Variants in PCDHGA10 observed in about 807,000 individuals in gnomAD.
PCDHGA10 encodes the protein protocadherin gamma-A10.
Under a neutral mutation model 59.5 loss-of-function variants are expected in PCDHGA10, and 42 were observed. That is an observed-to-expected ratio of 0.71 (90% CI 0.55 to 0.91). PCDHGA10 has a LOEUF of 0.91. PCDHGA10 is among the 40% of genes least tolerant of loss of function. The probability of loss-of-function intolerance (pLI) is 0.00; values close to 1 mark genes in which losing one functional copy is unlikely to be tolerated. For missense variants in PCDHGA10, 1,111 were observed against 1,198.2 expected (o/e 0.93, Z 1.07); for synonymous variants, 511 against 517.2 (o/e 0.99, Z 0.16).
intron 2 of PCDHGA10, 50 bp from the exon 3 acceptor site, chr5:141,505,343 G>A: frequency 1.9e-6 from 3 of 1,612,934 alleles, no homozygotes; most frequent in Non-Finnish European, 2.5e-6. Flanking sequence ...GGAGGGGCAT[G>A]AGCTGTGCCG....
intron 1 of PCDHGA10, chr5:141,423,833 T>G: frequency 1.8e-5 from 23 of 1,262,362 alleles, no homozygotes; most frequent in East Asian, 7.3e-5. Flanking sequence ...TTCATGAGAT[T>G]ACGATAATCT....
At chr5:141,466,457 A>G (rs969935541) in intron 1 of PCDHGA10, among the ~76,000 whole-genome samples, 12 of 152,146 alleles carry the variant, frequency 7.9e-5, no homozygotes, top group Admixed American at 6.6e-4. Context: ...GGTGTTGGCT[A>G]TTGTTTCTGC....
In PCDHGA10 at chr5:141,489,561, G is replaced by A. The variant is rs1750812409; in HGVS notation, c.2437-5246G>A. 6.2e-7 allele frequency: 1 copy of A among 1,614,106 alleles called. No homozygotes were observed. Among genetic ancestry groups the A allele is most frequent in the Non-Finnish European group, 8.5e-7 (1 of 1,180,026 alleles). On this transcript the variant is annotated intron_variant, in intron 1 of 3. Coordinates refer to ENST00000398610, the MANE Select transcript of PCDHGA10 (RefSeq NM_018913.3). The surrounding 1 kb of genome is among the most constrained non-coding windows in gnomAD (Gnocchi z 4.5). Reference sequence around the variant, plus strand: ...GCACCAGCTGCCTGCTGCCAGTGCAGGTGGTGACTGAACACCCCCTGGAGC... The same window carrying A: ...GCACCAGCTGCCTGCTGCCAGTGCAAGTGGTGACTGAACACCCCCTGGAGC...
chr5:141,487,802 C>T lies in PCDHGA10; in HGVS notation c.2437-7005C>T, dbSNP rs765438219. The T allele has an allele frequency of 9.5e-6, 14 of 1,477,306 alleles. No individual in the cohort carries two copies. The South Asian group carries it at 1.7e-4, about 18-fold the overall frequency. 91.5% of individuals were successfully genotyped at this position (1,477,306 alleles called of 1,614,324 possible). A position where few individuals can be genotyped will look rare whatever the true frequency, so the allele number is the denominator to read the frequency against. ...TTTCGTGAATTAACCAGAGTTGTCACAGTTTAGCATTGGGGGCGGGTCATG... is the reference window on the plus strand; with the variant it reads ...TTTCGTGAATTAACCAGAGTTGTCATAGTTTAGCATTGGGGGCGGGTCATG... On this transcript the variant is annotated intron_variant, in intron 1 of 3. Transcript: ENST00000398610. The surrounding 1 kb of genome is among the most constrained non-coding windows in gnomAD (Gnocchi z 5.0).
Position 141,413,694 on chromosome 5 carries a change from C to T in PCDHGA10, c.519C>T (p.Ser173=). The T allele has an allele frequency of 6.2e-7, 1 of 1,613,800 alleles. No individual in the cohort carries two copies. Among genetic ancestry groups the T allele is most frequent in the Non-Finnish European group, 8.5e-7 (1 of 1,179,894 alleles). ...ATGTGGGCGTGAACTCCCTGCAGAG[C>T]TATCAGCTCAGCCCCAATAAGCACT... The part of the protein sequence containing the change: ...DPDVGVNSLQ[S]YQLSPNKHFS... The change falls in exon 1 of 4, where the codon AGC becomes AGT. Residue 173 remains serine (S), a synonymous_variant. Transcript: ENST00000398610.
chr5:141,503,077 TCTC>T (rs1212079220), intron 2 of PCDHGA10, among the ~76,000 whole-genome samples: 1 of 151,810 alleles, frequency 6.6e-6, no homozygotes, highest in African/African-American at 2.4e-5. Flanking sequence ...ATGGTCTCGA[TCTC>T]CTGACCTCGT....
intron 2 of PCDHGA10, among the ~76,000 whole-genome samples, chr5:141,500,136 A>G (rs966215589): frequency 6.6e-6 from 1 of 151,606 alleles, no homozygotes; most frequent in African/African-American, 2.4e-5. Flanking sequence ...ATATCTTTCT[A>G]AACTTTTCTT....
intron 1 of PCDHGA10, among the ~76,000 whole-genome samples, chr5:141,466,360 G>A (rs2099121274): frequency 6.6e-6 from 1 of 152,070 alleles, no homozygotes; most frequent in South Asian, 2.1e-4. Context: ...TAATCTAGAT[G>A]TAATGGTTTT....
At chr5:141,459,149 T>C (rs2098961903) in intron 1 of PCDHGA10, among the ~76,000 whole-genome samples, 1 of 152,234 alleles carries the variant, frequency 6.6e-6, no homozygotes, top group Non-Finnish European at 1.5e-5. Context: ...AATCAAAATA[T>C]AGAACATTTC....
At position 141,490,712 on chromosome 5, in the gene PCDHGA10, A is replaced by T; in HGVS notation, c.2437-4095A>T. The stretch of plus-strand genomic sequence containing the variant: ...ACTGGGGATAATGCCCGCCTCACCT[A>T]CTCCATTGTAGGAAATCAGGTTCAG... On this transcript the variant is annotated intron_variant, in intron 1 of 3. Transcript: ENST00000398610. The surrounding 1 kb of genome is among the most constrained non-coding windows in gnomAD (Gnocchi z 5.4). The T allele has an allele frequency of 6.2e-7, 1 of 1,613,686 alleles. No homozygotes were observed. The highest frequency in any genetic ancestry group is 8.5e-7 in the Non-Finnish European group (1 of 1,179,894).
At chr5:141,423,256 G>C (rs751894091) in intron 1 of PCDHGA10, 1 of 1,613,934 alleles carries the variant, frequency 6.2e-7, no homozygotes. Flanking sequence ...GGCGGACCTC[G>C]GCAGCCTCGA....
Position 141,423,157 on chromosome 5 carries a change from G to C in PCDHGA10, c.2436+7546G>C, listed in dbSNP as rs527921011. The C allele has an allele frequency of 7.4e-6, 12 of 1,610,820 alleles. No homozygotes were observed. The South Asian group carries it at 1.2e-4, about 16-fold the overall frequency. ...CAGAGACGCGCTCAAGCAGAGCCTC[G>C]TGGTGGCCGTCCAGGACCACGGCCA... On this transcript the variant is annotated intron_variant, in intron 1 of 3. Coordinates refer to ENST00000398610, the MANE Select transcript of PCDHGA10 (RefSeq NM_018913.3).
chr5:141,510,802 C>T (rs1358684730), intron 3 of PCDHGA10, 145 bp from the exon 4 acceptor site: 1 of 1,497,192 alleles, frequency 6.7e-7, no homozygotes, highest in African/African-American at 1.4e-5. Context: ...AGAGAGACTA[C>T]CTTGGTGACC....
intron 1 of PCDHGA10, chr5:141,419,448 TC>T: frequency 6.2e-7 from 1 of 1,612,980 alleles, no homozygotes; most frequent in Non-Finnish European, 8.5e-7. Context: ...ACCTTCGAGC[TC>T]ACGCTGCAGG....
In PCDHGA10 at chr5:141,454,796, A is replaced by ATTTTTT. The variant is rs61612330; in HGVS notation, c.2436+39209_2436+39214dup. Among the ~76,000 whole-genome samples the ATTTTTT allele has an allele frequency of 4.9e-3, 381 of 77,456 alleles. 41 individuals carry two copies. The highest frequency in any genetic ancestry group is 0.011 in the African/African-American group (178 of 16,882). 50.8% of individuals were successfully genotyped at this position (77,456 alleles called of 152,430 possible). ...AAGGAAATAATCCTCCATGGTTCTA[A>ATTTTTT]TTTTTTTTTTTTTTTTTTTTTTTTT... On this transcript the variant is annotated intron_variant, in intron 1 of 3. Coordinates refer to ENST00000398610, the MANE Select transcript of PCDHGA10 (RefSeq NM_018913.3).
intron 2 of PCDHGA10, 69 bp from the exon 3 acceptor site, chr5:141,505,324 G>T: frequency 6.2e-7 from 1 of 1,607,102 alleles, no homozygotes; most frequent in African/African-American, 1.3e-5. Context: ...GGAGCCCTGG[G>T]AGAGGACAGG....
At position 141,413,842 on chromosome 5, in the gene PCDHGA10, G is replaced by T. The variant is rs1181086477; in HGVS notation, c.667G>T (p.Asp223Tyr). 6.2e-6 allele frequency: 10 copies of T among 1,613,176 alleles called. No homozygotes were observed. In the Admixed American group the frequency reaches 1.7e-4, roughly 27 times the overall value. ...HLVLTASDGGDPLRSGTVLVS... is the reference protein window; with the variant it reads ...HLVLTASDGGYPLRSGTVLVS... The stretch of plus-strand genomic sequence containing the variant: ...GGTCCTCACCGCCTCCGACGGGGGT[G>T]ACCCTCTCCGATCTGGCACTGTCCT... The change falls in exon 1 of 4, where the codon GAC becomes TAC. Residue 223 changes from aspartate to tyrosine, a missense_variant. Asp to Tyr is a radical substitution (Grantham distance 160). Transcript: ENST00000398610.
At chr5:141,478,329 C>T (rs1295950117) in intron 1 of PCDHGA10, 1 of 1,613,982 alleles carries the variant, frequency 6.2e-7, no homozygotes, top group African/African-American at 1.3e-5. Context: ...TACCGAACAC[C>T]AGGGCCCTCC....
intron 1 of PCDHGA10, among the ~76,000 whole-genome samples, chr5:141,488,394 A>C (rs2099674951): frequency 1.3e-5 from 2 of 152,232 alleles, no homozygotes. Flanking sequence ...TGGTGAAACC[A>C]TGAAACCTAG....
Sources: allele counts gnomAD v4.1 joint callset (sites outside exome capture counted in the v4.1 genomes callset), GRCh38; gene constraint gnomAD v4.1.1; non-coding constraint Gnocchi (gnomAD v3.1); transcripts MANE v1.5; gene names NCBI Gene and HGNC (gene_info 2026-07-23, HGNC 2026-07-21).